DRAM1: variants seen among roughly 807,000 people sequenced by gnomAD.
DRAM1 encodes DNA damage regulated autophagy modulator 1.
A neutral mutation model predicts 28.5 loss-of-function variants in DRAM1; 25 were observed. That is an observed-to-expected ratio of 0.88 (90% CI 0.64 to 1.23). The LOEUF (loss-of-function observed/expected upper bound fraction) is 1.23, where lower values mean the gene tolerates loss of function less well. DRAM1 is among the 50% of genes most tolerant of loss of function. DRAM1 has a pLI of 0.00. For missense variants in DRAM1, 249 were observed against 299.2 expected, an observed-to-expected ratio of 0.83 and a Z score of 1.24; for synonymous variants, 113 against 114.2, an observed-to-expected ratio of 0.99 and a Z score of 0.07.
chr12:101,882,390 G>A (rs894685245), intron 1 of DRAM1, among the ~76,000 whole-genome samples: 4 of 151,186 alleles, frequency 2.6e-5, no homozygotes, highest in Non-Finnish European at 2.9e-5. Flanking sequence ...GATTACAGGC[G>A]TGAGCCACCG....
chr12:101,881,595 C>T (rs534628399), intron 1 of DRAM1, among the ~76,000 whole-genome samples: 3 of 152,282 alleles, frequency 2.0e-5, no homozygotes. Flanking sequence ...CATCAAGCAC[C>T]CGTCCTTCTC....
At chr12:101,908,720 T>TG (rs1177215311) in intron 4 of DRAM1, among the ~76,000 whole-genome samples, 4 of 150,550 alleles carry the variant, frequency 2.7e-5, no homozygotes, top group East Asian at 2.0e-4. Flanking sequence ...GATATGAGGG[T>TG]GGGGGGTCCT....
chr12:101,915,504 G>A (rs1027248191), intron 5 of DRAM1, among the ~76,000 whole-genome samples: 30 of 151,980 alleles, frequency 2.0e-4, no homozygotes, highest in Admixed American at 5.9e-4. Context: ...CAGGCAGAGA[G>A]GCTTGTACTT....
Position 101,907,375 on chromosome 12 carries a change from C to T in DRAM1, c.343-811C>T, listed in dbSNP as rs777829809. Among the ~76,000 whole-genome samples the T allele has an allele frequency of 7.3e-5, 11 of 151,408 alleles. 1 individual carries two copies. The highest frequency in any genetic ancestry group is 1.9e-4 in the East Asian group (1 of 5,176). Reference sequence around the variant, plus strand: ...CTTGGCACCATCATGGAACGAGTCACGTACTTTGGTTTTTTTTTTCAATCA... The same window carrying T: ...CTTGGCACCATCATGGAACGAGTCATGTACTTTGGTTTTTTTTTTCAATCA... On this transcript the variant is annotated intron_variant, in intron 3 of 6. Transcript: ENST00000258534.
chr12:101,901,797 T>G (rs1487397048), intron 3 of DRAM1, among the ~76,000 whole-genome samples: 2 of 149,140 alleles, frequency 1.3e-5, no homozygotes, highest in Non-Finnish European at 2.9e-5. Context: ...GAGAATTGTT[T>G]GAACCTGGAA....
intron 1 of DRAM1, among the ~76,000 whole-genome samples, chr12:101,882,799 A>G (rs1872735550): frequency 6.8e-6 from 1 of 147,900 alleles, no homozygotes; most frequent in Non-Finnish European, 1.5e-5. Flanking sequence ...GAAATGACAG[A>G]TACACACACA....
chr12:101,921,170 ATTGT>A (rs772553241), intron 6 of DRAM1, 42 bp from the exon 7 acceptor site: 146 of 1,350,004 alleles, frequency 1.1e-4, no homozygotes, highest in Non-Finnish European at 1.4e-4. Context: ...CAACGCTGGG[ATTGT>A]TTAACTTCTT....
At chr12:101,911,141 G>A (rs78314569) in intron 4 of DRAM1, among the ~76,000 whole-genome samples, 3 of 152,070 alleles carry the variant, frequency 2.0e-5, no homozygotes, top group African/African-American at 7.2e-5. Context: ...GAGGCTGAAG[G>A]AGGAGAATCG....
intron 1 of DRAM1, among the ~76,000 whole-genome samples, chr12:101,896,260 A>T (rs1001042549): frequency 2.6e-5 from 4 of 152,236 alleles, no homozygotes; most frequent in African/African-American, 7.2e-5. Flanking sequence ...TTTTCTGCAC[A>T]CACAGGCTCC....
chr12:101,877,742 G>A lies in DRAM1; in HGVS notation c.-48G>A. 7.3e-7 allele frequency: 1 copy of A among 1,372,174 alleles called. No homozygotes were observed. The highest frequency in any genetic ancestry group is 9.4e-7 in the Non-Finnish European group (1 of 1,058,250). The allele number at this position is 1,372,174 out of a possible 1,614,324, so 85.0% of individuals were successfully genotyped here. A position where few individuals can be genotyped will look rare whatever the true frequency, so the allele number is the denominator to read the frequency against. ...TCCAGGCAGCCCGGAGCAACCCGGC[G>A]CCCGGCCCCGCTGGGCGCAGCACTC... On this transcript the variant is annotated 5_prime_UTR_variant, in exon 1 of 7. Coordinates refer to ENST00000258534, the MANE Select transcript of DRAM1 (RefSeq NM_018370.3). The surrounding 1 kb of genome is among the most constrained non-coding windows in gnomAD (Gnocchi z 4.1).
chr12:101,888,516 A>G (rs573881862), intron 1 of DRAM1, among the ~76,000 whole-genome samples: 3 of 152,188 alleles, frequency 2.0e-5, no homozygotes, highest in Non-Finnish European at 4.4e-5. Context: ...AGAAAAGCAT[A>G]GTAAGAAAAG....
chr12:101,905,199 C>T (rs182306286), intron 3 of DRAM1, among the ~76,000 whole-genome samples: 9 of 152,296 alleles, frequency 5.9e-5, no homozygotes, highest in Non-Finnish European at 8.8e-5. Context: ...CATACCCTGT[C>T]GTATTTTATT....
intron 1 of DRAM1, among the ~76,000 whole-genome samples, chr12:101,885,291 T>G (rs1170832044): frequency 2.0e-5 from 3 of 152,212 alleles, no homozygotes; most frequent in African/African-American, 7.2e-5. Flanking sequence ...TAAAGAAAGT[T>G]TCCTTCTTCT....
chr12:101,920,293 C>CTTT, intron 6 of DRAM1, 92 bp downstream of exon 6: 1 of 262,160 alleles, frequency 3.8e-6, no homozygotes. Context: ...AAAAAGAGCA[C>CTTT]TTTCTTTTTT....
chr12:101,893,679 T>G (rs1873226053), intron 1 of DRAM1, among the ~76,000 whole-genome samples: 1 of 152,192 alleles, frequency 6.6e-6, no homozygotes, highest in African/African-American at 2.4e-5. Context: ...CCCTCAGGGT[T>G]GTAAAGATGA....
intron 2 of DRAM1, among the ~76,000 whole-genome samples, 197 bp from the exon 3 acceptor site, chr12:101,901,081 GTGTGTGTGTGTGT>G (rs1566126043): frequency 0.032 from 25 of 786 alleles, no homozygotes; most frequent in African/African-American, 0.06. Context: ...GCCAAGGGGT[GTGTGTGTGTGTGT>G]GTGTGTGTGT....
intron 4 of DRAM1, among the ~76,000 whole-genome samples, chr12:101,908,926 C>T (rs989377512): frequency 8.1e-6 from 1 of 124,070 alleles, no homozygotes; most frequent in African/African-American, 3.1e-5. Context: ...CAAAGGATAA[C>T]AACCAAGTTT....
intron 3 of DRAM1, among the ~76,000 whole-genome samples, chr12:101,905,509 T>G (rs887370321): frequency 6.6e-6 from 1 of 152,170 alleles, no homozygotes; most frequent in Non-Finnish European, 1.5e-5. Flanking sequence ...CTTGAACTCC[T>G]GAGCTCAAGT....
At chr12:101,879,550 G>T (rs1872615932) in intron 1 of DRAM1, among the ~76,000 whole-genome samples, 1 of 152,012 alleles carries the variant, frequency 6.6e-6, no homozygotes, top group Non-Finnish European at 1.5e-5. Flanking sequence ...CAGAGTGTTG[G>T]GATTACAGGC....
Sources: gnomAD v4.1 joint callset for allele counts (sites outside exome capture counted in the v4.1 genomes callset) on GRCh38, gnomAD v4.1.1 for gene constraint, Gnocchi (gnomAD v3.1) non-coding constraint, MANE v1.5 for transcripts, NCBI Gene and HGNC (gene_info 2026-07-23, HGNC 2026-07-21) for gene names.